The following CHD7 variants were observed in gnomAD, a reference collection of about 807,000 sequenced individuals.
The protein encoded by CHD7 is chromodomain helicase DNA binding protein 7.
CHD7 carries 24 observed loss-of-function variants against 307.3 expected under a neutral mutation model. That is an observed-to-expected ratio of 0.08 (90% CI 0.06 to 0.11). The LOEUF (loss-of-function observed/expected upper bound fraction) is 0.11, where lower values mean the gene tolerates loss of function less well. CHD7 is among the 10% of genes least tolerant of loss of function. The pLI, the probability that CHD7 is intolerant of heterozygous loss-of-function variation, is 1.00. For synonymous variants in CHD7, 1,363 were observed against 1,349.9 expected (o/e 1.01, Z -0.21); for missense variants, 3,106 against 3,727.1 (o/e 0.83, Z 4.34).
intron 1 of CHD7, chr8:60,679,767 C>G (rs942271253): frequency 1.3e-5 from 2 of 148,858 alleles, no homozygotes; most frequent in African/African-American, 4.9e-5. Context: ...GGCGCCAGCC[C>G]GCGCGGGGAC....
At chr8:60,814,691 C>T (rs1391585687) in intron 7 of CHD7, among the ~76,000 whole-genome samples, 1 of 152,132 alleles carries the variant, frequency 6.6e-6, no homozygotes, top group East Asian at 1.9e-4. Context: ...AGGTGATCTG[C>T]CTGCCTCGTA....
chr8:60,750,643 A>G (rs1165437137), intron 2 of CHD7, among the ~76,000 whole-genome samples: 1 of 152,216 alleles, frequency 6.6e-6, no homozygotes, highest in Non-Finnish European at 1.5e-5. Flanking sequence ...GTCAGTATAA[A>G]AAATTGCTTG....
chr8:60,751,498 A>G (rs936184676), intron 2 of CHD7, among the ~76,000 whole-genome samples: 1 of 152,290 alleles, frequency 6.6e-6, no homozygotes, highest in Non-Finnish European at 1.5e-5. Context: ...TTGACATCTT[A>G]ATGTTATTTT....
intron 2 of CHD7, among the ~76,000 whole-genome samples, chr8:60,743,391 C>T (rs374935245): frequency 3.9e-5 from 6 of 152,170 alleles, no homozygotes; most frequent in South Asian, 2.1e-4. Flanking sequence ...ACAAGACAAA[C>T]GCTTTTGTTT....
intron 2 of CHD7, among the ~76,000 whole-genome samples, chr8:60,751,596 T>C (rs1809644689): frequency 6.6e-6 from 1 of 152,256 alleles, no homozygotes; most frequent in Non-Finnish European, 1.5e-5. Flanking sequence ...TGTTGCTGAA[T>C]GCAGCTCTTG....
chr8:60,753,604 T>C (rs533097341), intron 2 of CHD7, among the ~76,000 whole-genome samples: 1 of 151,772 alleles, frequency 6.6e-6, no homozygotes, highest in South Asian at 2.1e-4. Context: ...TAAGATCAGT[T>C]TTTTGTTTTG....
chr8:60,852,417 CT>C, intron 29 of CHD7, 80 bp from the exon 30 acceptor site: 1 of 1,405,072 alleles, frequency 7.1e-7, no homozygotes, highest in African/African-American at 1.4e-5. Context: ...TGTATAAAGT[CT>C]GGGGGGAAGA....
chr8:60,819,312 GT>G (rs1265528737), intron 8 of CHD7, among the ~76,000 whole-genome samples: 1 of 152,110 alleles, frequency 6.6e-6, no homozygotes, highest in Admixed American at 6.5e-5. Context: ...GCAGGCAGCA[GT>G]ATTACTTTAC....
chr8:60,696,465 C>T (rs1041537009), intron 1 of CHD7, among the ~76,000 whole-genome samples: 21 of 152,212 alleles, frequency 1.4e-4, no homozygotes, highest in South Asian at 6.2e-4. Context: ...TGATCTAAGA[C>T]GCAGTTTCTT....
intron 1 of CHD7, among the ~76,000 whole-genome samples, chr8:60,729,685 T>G (rs1808344327): frequency 6.6e-6 from 1 of 152,182 alleles, no homozygotes; most frequent in South Asian, 2.1e-4. Flanking sequence ...AGCACAAAAT[T>G]CGAAGCTTCA....
At chr8:60,864,869 C>T (rs1453996954) in intron 37 of CHD7, 147 bp from the exon 38 acceptor site, 1 of 807,508 alleles carries the variant, frequency 1.2e-6, no homozygotes, top group East Asian at 2.7e-5. Context: ...GTTTTGCTGT[C>T]ATTAAGTTTT....
At chr8:60,806,367 A>T (rs1160893971) in intron 6 of CHD7, among the ~76,000 whole-genome samples, 1 of 152,202 alleles carries the variant, frequency 6.6e-6, no homozygotes, top group African/African-American at 2.4e-5. Flanking sequence ...CGTCTCAAAA[A>T]AAAAGGGAGT....
At chr8:60,827,492 GA>G (rs1804306977) in intron 13 of CHD7, among the ~76,000 whole-genome samples, 1 of 152,118 alleles carries the variant, frequency 6.6e-6, no homozygotes, top group Non-Finnish European at 1.5e-5. Context: ...AGTAATCCAG[GA>G]CTTGGGTATG....
chr8:60,800,195 T>C (rs1363574077), intron 4 of CHD7, among the ~76,000 whole-genome samples, 193 bp from the exon 5 acceptor site: 3 of 152,048 alleles, frequency 2.0e-5, no homozygotes, highest in Non-Finnish European at 2.9e-5. Context: ...CACGCCCGGC[T>C]AATTTTTTTT....
intron 1 of CHD7, among the ~76,000 whole-genome samples, chr8:60,680,452 C>A (rs1282480302): frequency 7.7e-6 from 1 of 130,210 alleles, no homozygotes; most frequent in Non-Finnish European, 1.6e-5. Context: ...GGGGTGGGGG[C>A]GCTGGTCGGG....
intron 1 of CHD7, among the ~76,000 whole-genome samples, chr8:60,725,351 A>G (rs1223951520): frequency 6.6e-6 from 1 of 152,252 alleles, no homozygotes; most frequent in Non-Finnish European, 1.5e-5. Flanking sequence ...GATCTCTTCT[A>G]TCTGTATAGT....
intron 1 of CHD7, among the ~76,000 whole-genome samples, chr8:60,735,547 A>G (rs1281385577): frequency 2.0e-5 from 3 of 152,204 alleles, no homozygotes; most frequent in African/African-American, 7.2e-5. Context: ...ACATACTGAA[A>G]ATTATTTATG....
chr8:60,779,862 G>A (rs1366883657), intron 2 of CHD7, among the ~76,000 whole-genome samples: 1 of 152,106 alleles, frequency 6.6e-6, no homozygotes, highest in East Asian at 1.9e-4. Flanking sequence ...TCTTAGAGTG[G>A]CGGTGTCTTC....
chr8:60,797,807 A>G (rs1422649497), intron 4 of CHD7, among the ~76,000 whole-genome samples: 2 of 152,218 alleles, frequency 1.3e-5, no homozygotes, highest in African/African-American at 4.8e-5. Flanking sequence ...GAAGTGAGGA[A>G]TGGTAAAGTG....
Sources: gnomAD v4.1 joint callset for allele counts (sites outside exome capture counted in the v4.1 genomes callset) on GRCh38, gnomAD v4.1.1 for gene constraint, MANE v1.5 for transcripts, NCBI Gene and HGNC (gene_info 2026-07-23, HGNC 2026-07-21) for gene names.